ZAN: variants seen among roughly 807,000 people sequenced by gnomAD.
ZAN encodes the protein zonadhesin.
Under a neutral mutation model 286.2 loss-of-function variants are expected in ZAN, and 260 were observed. The ratio of observed to expected loss-of-function variants is 0.91; its 90% CI spans 0.82 to 1.01. The LOEUF (loss-of-function observed/expected upper bound fraction) is 1.01, where lower values mean the gene tolerates loss of function less well. ZAN is among the 50% of genes least tolerant of loss of function. The pLI is 0.00. For missense variants in ZAN, 3,410 were observed against 3,639.2 expected, an observed-to-expected ratio of 0.94 and a Z score of 1.62; for synonymous variants, 1,368 against 1,417.5, an observed-to-expected ratio of 0.97 and a Z score of 0.79.
chr7:100,786,242 C>T, intron 37 of ZAN, 101 bp downstream of exon 37: 1 of 1,520,770 alleles, frequency 6.6e-7, no homozygotes, highest in Non-Finnish European at 8.9e-7. Context: ...TGAACCCCAG[C>T]ACAGTCAGGG....
intron 18 of ZAN, 125 bp downstream of exon 18, chr7:100,759,970 T>C (rs1394359556): frequency 9.3e-6 from 13 of 1,394,822 alleles, no homozygotes; most frequent in Non-Finnish European, 1.2e-5. Context: ...TCCCAGCTCC[T>C]TGGGAGGCTA....
rs933005757 is a variant in ZAN, at chr7:100,767,252, G to A, written c.4855G>A (p.Val1619Ile). 4 of 1,606,946 alleles carry A rather than the reference G, an allele frequency of 2.5e-6. No homozygotes were observed. The highest frequency in any genetic ancestry group is 3.4e-6 in the Non-Finnish European group (4 of 1,178,388). Residue 1619 changes from valine (V) to isoleucine (I), a missense_variant, in exon 25 of 48, where the codon GTC (valine) becomes ATC (isoleucine). Val to Ile is a conservative substitution (Grantham distance 29). Coordinates refer to ENST00000613979, the MANE Select transcript of ZAN (RefSeq NM_003386.3). Reference sequence around the variant, plus strand: ...CATCTCACTGCTCAGAGGCTGTAAGGTCATGGTGGGTGTCTTCCTCCTGCC... The same window carrying A: ...CATCTCACTGCTCAGAGGCTGTAAGATCATGGTGGGTGTCTTCCTCCTGCC... ...LSISLLRGCK[V>I]MLNGHRVALP...
rs181201709 is a variant in ZAN at position 100,734,754 on chromosome 7, G to T, written c.53+533G>T. 2.3e-3 allele frequency among the ~76,000 whole-genome samples: 332 copies of T among 141,332 alleles called. 57 individuals are homozygous for T. The highest frequency in any genetic ancestry group is 3.6e-3 in the Non-Finnish European group (230 of 63,016). 92.7% of individuals were successfully genotyped at this position (141,332 alleles called of 152,430 possible). On this transcript the variant is annotated intron_variant, in intron 2 of 47. Transcript: ENST00000613979. ...CGGGACAGGGCTACAATGTGAGAAG[G>T]GACGGAGGAGGTGCAGAGCTGGAAG...
intron 9 of ZAN, 44 bp downstream of exon 9, chr7:100,747,685 A>G (rs779850124): frequency 2.6e-6 from 4 of 1,558,272 alleles, no homozygotes; most frequent in East Asian, 2.2e-5. Context: ...TGGTAGGCAC[A>G]CCCAATGTTG....
intron 15 of ZAN, among the ~76,000 whole-genome samples, chr7:100,756,770 T>C (rs1209765802): frequency 2.0e-5 from 3 of 152,140 alleles, no homozygotes; most frequent in African/African-American, 7.2e-5. Context: ...CCGTGTTTGT[T>C]TGTCTGTTTG....
At chr7:100,788,189 G>A in intron 38 of ZAN, 53 bp downstream of exon 38, 1 of 1,427,404 alleles carries the variant, frequency 7.0e-7, no homozygotes, top group Non-Finnish European at 9.2e-7. Flanking sequence ...GGACCAGGTA[G>A]GCCACCTGGA....
In ZAN at chr7:100,788,018, C is replaced by A. The variant is rs1355570070; in HGVS notation, c.7109C>A (p.Pro2370His). The A allele has an allele frequency of 1.9e-6, 3 of 1,600,086 alleles. No homozygotes were observed. Among genetic ancestry groups the A allele is most frequent in the East Asian group, 2.2e-5 (1 of 44,872 alleles). The change falls in exon 38 of 48, where the codon CCC becomes CAC. Residue 2370 changes from proline (P) to histidine (H), a missense_variant. Pro to His is a moderately conservative substitution (Grantham distance 77). This residue lies in a region of ZAN where 1,289 missense variants were observed against 1,314.3 expected (regional missense o/e 0.98). Transcript: ENST00000613979. ...TVDVLPEGVE[P>H]LLVEGRNKMD... ...GACGTACTGCCTGAGGGGGTGGAGC[C>A]CCTCCTCGTGGAAGGACGCAACAAG...
chr7:100,739,624 G>A (rs1373192966), intron 7 of ZAN, among the ~76,000 whole-genome samples: 5 of 131,544 alleles, frequency 3.8e-5, no homozygotes, highest in Admixed American at 2.9e-4. Context: ...GATTACAGGC[G>A]TGAGCCACTG....
intron 44 of ZAN, 97 bp from the exon 45 acceptor site, chr7:100,795,099 G>C (rs1489210972): frequency 6.9e-7 from 1 of 1,453,678 alleles, no homozygotes; most frequent in Non-Finnish European, 9.2e-7. Context: ...GGCAGCCGCT[G>C]CTTTCTCCCC....
Position 100,776,583 on chromosome 7 carries a change from C to G in ZAN, c.6317+19C>G. On this transcript the variant is annotated intron_variant, in intron 34 of 47. Coordinates refer to ENST00000613979, the MANE Select transcript of ZAN (RefSeq NM_003386.3). ...ACCCAAGGTAGTGGTCCCCTAAGAC[C>G]CTCTAGGTTTTCTTTCTTTTTCTTT... 1.3e-6 allele frequency: 2 copies of G among 1,503,884 alleles called. No homozygotes were observed. Among genetic ancestry groups the G allele is most frequent in the Admixed American group, 2.2e-5 (1 of 44,718 alleles). 93.2% of individuals were successfully genotyped at this position (1,503,884 alleles called of 1,614,324 possible).
At chr7:100,757,020 A>G (rs1584576606) in intron 15 of ZAN, among the ~76,000 whole-genome samples, 2 of 152,210 alleles carry the variant, frequency 1.3e-5, no homozygotes, top group African/African-American at 4.8e-5. Flanking sequence ...CGCCCGCCTC[A>G]GCCTTCCAAA....
rs113604904 is a variant in ZAN at position 100,761,947 on chromosome 7, GATAAATAAATAA to G, written c.3843-238_3843-227del. ...GAGAGAGACTCCATCTGAAAAAAAG[GATAAATAAATAA>G]ATAAATAAATAAATAAATAAATAAA... On this transcript the variant is annotated intron_variant, in intron 19 of 47. Transcript: ENST00000613979. Among the ~76,000 whole-genome samples the G allele has an allele frequency of 2.0e-3, 297 of 148,080 alleles. 2 individuals are homozygous for G. The highest frequency in any genetic ancestry group is 8.0e-3 in the South Asian group (37 of 4,640).
At chr7:100,789,781 C>T (rs1811815887) in intron 39 of ZAN, among the ~76,000 whole-genome samples, 1 of 151,808 alleles carries the variant, frequency 6.6e-6, no homozygotes. Context: ...CCCATCTCTA[C>T]TAAAAATACA....
chr7:100,734,476 A>G lies in ZAN; in HGVS notation c.53+255A>G, dbSNP rs371895005. On this transcript the variant is annotated intron_variant, in intron 2 of 47. Coordinates refer to ENST00000613979, the MANE Select transcript of ZAN (RefSeq NM_003386.3). ...CTACTAAAAATACAAAAAATTAGCCAGGCGTGGTGGTGTGCACCTGTAGTC... is the reference window on the plus strand; with the variant it reads ...CTACTAAAAATACAAAAAATTAGCCGGGCGTGGTGGTGTGCACCTGTAGTC... Among the ~76,000 whole-genome samples, 4 of 139,758 alleles carry G rather than the reference A, an allele frequency of 2.9e-5. 1 individual carries two copies. The South Asian group carries it at 8.8e-4, about 31-fold the overall frequency. The allele number at this position is 139,758 out of a possible 152,430, so 91.7% of individuals were successfully genotyped here.
rs750358229 is a variant in ZAN, at chr7:100,750,583, T to C, written c.1250-42T>C. On this transcript the variant is annotated intron_variant, in intron 11 of 47. Coordinates refer to ENST00000613979, the MANE Select transcript of ZAN (RefSeq NM_003386.3). ...TGCTAAAGCAGCAGTTGGCATGTCC[T>C]GTGCAGGCTTCTTACCTTGCCTGTT... 3 of 1,604,588 alleles carry C rather than the reference T, an allele frequency of 1.9e-6. No individual in the cohort carries two copies. The East Asian group carries it at 6.7e-5, about 36-fold the overall frequency.
chr7:100,782,431 C>T (rs1255914135), intron 35 of ZAN, among the ~76,000 whole-genome samples: 2 of 151,984 alleles, frequency 1.3e-5, no homozygotes, highest in African/African-American at 4.8e-5. Flanking sequence ...TGGGTTCAAG[C>T]GATTCTCCTG....
At chr7:100,791,186 T>G in intron 40 of ZAN, 73 bp downstream of exon 40, 1 of 1,528,990 alleles carries the variant, frequency 6.5e-7, no homozygotes, top group Non-Finnish European at 8.8e-7. Flanking sequence ...CTAGCCCTCC[T>G]GTCCTCAGGA....
At chr7:100,788,202 A>G in intron 38 of ZAN, 66 bp downstream of exon 38, 1 of 1,421,818 alleles carries the variant, frequency 7.0e-7, no homozygotes, top group Admixed American at 2.6e-5. Context: ...CACCTGGAGT[A>G]GAAGTCAGGG....
In ZAN at chr7:100,797,493, G is replaced by A. The variant is rs775654837; in HGVS notation, c.8366+28G>A. The A allele has an allele frequency of 7.4e-6, 12 of 1,613,764 alleles. No homozygotes were observed. The East Asian group carries it at 2.2e-4, about 30-fold the overall frequency. ...GAGTCCTGGGAAGGAGAGAGGAAGG[G>A]CGGGTGGGGTGTGCAAACCGGGAAG... On this transcript the variant is annotated intron_variant, in intron 46 of 47. Transcript: ENST00000613979.
Sources: allele counts gnomAD v4.1 joint callset (sites outside exome capture counted in the v4.1 genomes callset), GRCh38; gene constraint gnomAD v4.1.1; regional missense constraint gnomAD v4.1.1; transcripts MANE v1.5; gene names NCBI Gene and HGNC (gene_info 2026-07-23, HGNC 2026-07-21).